Variants in FAIM2 observed in about 807,000 individuals in gnomAD.
The protein encoded by FAIM2 is protein lifeguard 2.
Under a neutral mutation model 47.4 loss-of-function variants are expected in FAIM2, and 27 were observed. The observed-to-expected ratio is 0.57, with a 90% confidence interval of 0.42 to 0.78. FAIM2 has a LOEUF of 0.78. FAIM2 is among the 30% of genes least tolerant of loss of function. The pLI, the probability that FAIM2 is intolerant of heterozygous loss-of-function variation, is 0.00. For missense variants in FAIM2, 311 were observed against 389.4 expected (o/e 0.80, Z 1.69); for synonymous variants, 156 against 159.3 (o/e 0.98, Z 0.16).
intron 2 of FAIM2, among the ~76,000 whole-genome samples, chr12:49,898,595 G>T (rs1002761193): frequency 1.3e-5 from 2 of 152,132 alleles, no homozygotes; most frequent in African/African-American, 2.4e-5. Flanking sequence ...GCATGATCAT[G>T]GCTCACGGCA....
Position 49,903,879 on chromosome 12 carries a change from G to C in FAIM2, c.-87C>G, listed in dbSNP as rs1946998371. ...TGCCTGCGTCTCTTCCTTCCTCCGCGTGGGTTCTAGCAACATCCACTGCAG... is the reference window on the plus strand; with the variant it reads ...TGCCTGCGTCTCTTCCTTCCTCCGCCTGGGTTCTAGCAACATCCACTGCAG... On this transcript the variant is annotated 5_prime_UTR_variant, in exon 1 of 12. Coordinates refer to ENST00000320634, the MANE Select transcript of FAIM2 (RefSeq NM_012306.4). 6 of 1,397,062 alleles carry C rather than the reference G, an allele frequency of 4.3e-6. No homozygotes were observed. The highest frequency in any genetic ancestry group is 4.8e-6 in the Non-Finnish European group (5 of 1,041,698). The allele number at this position is 1,397,062 out of a possible 1,614,324, so 86.5% of individuals were successfully genotyped here. A position where few individuals can be genotyped will look rare whatever the true frequency, so the allele number is the denominator to read the frequency against.
chr12:49,895,060 C>CA (rs140607594), intron 5 of FAIM2, among the ~76,000 whole-genome samples: 1 of 150,840 alleles, frequency 6.6e-6, no homozygotes, highest in Non-Finnish European at 1.5e-5. Flanking sequence ...GGGTGTGGAG[C>CA]GGGCAGGGCA....
chr12:49,876,597 A>T (rs541926957), intron 11 of FAIM2, among the ~76,000 whole-genome samples: 1 of 134,192 alleles, frequency 7.5e-6, no homozygotes, highest in South Asian at 2.4e-4. Context: ...CCCCGTCTCT[A>T]CTAAAAAAAA....
intron 5 of FAIM2, among the ~76,000 whole-genome samples, chr12:49,891,867 G>A (rs1946902497): frequency 6.6e-6 from 1 of 152,206 alleles, no homozygotes; most frequent in Admixed American, 6.5e-5. Context: ...GGAGGATTGA[G>A]GATTTTCTGA....
intron 11 of FAIM2, among the ~76,000 whole-genome samples, chr12:49,884,480 C>G (rs910804341): frequency 6.6e-6 from 1 of 152,074 alleles, no homozygotes; most frequent in Non-Finnish European, 1.5e-5. Context: ...TGGGACTACT[C>G]CATTAGAGAG....
Position 49,891,023 on chromosome 12 carries a change from G to A in FAIM2, c.485+41C>T, listed in dbSNP as rs182120106. 582 of 1,598,592 alleles carry A rather than the reference G, an allele frequency of 3.6e-4. 2 individuals are homozygous for A. The highest frequency in any genetic ancestry group is 2.7e-5 in the Non-Finnish European group (31 of 1,165,864). On this transcript the variant is annotated intron_variant, in intron 6 of 11. Coordinates refer to ENST00000320634, the MANE Select transcript of FAIM2 (RefSeq NM_012306.4). ...CTGGGGCCAGAATTTTCATGATCCT[G>A]CTCATATTCCCACAAGTTCCTCCTC...
At chr12:49,875,157 T>C (rs933631927) in intron 11 of FAIM2, among the ~76,000 whole-genome samples, 1 of 152,200 alleles carries the variant, frequency 6.6e-6, no homozygotes, top group South Asian at 2.1e-4. Context: ...ACATATTATA[T>C]AATTAGAAGT....
intron 7 of FAIM2, 106 bp downstream of exon 7, chr12:49,890,577 C>T (rs1428138126): frequency 9.5e-7 from 1 of 1,055,096 alleles, no homozygotes; most frequent in Non-Finnish European, 1.5e-6. Flanking sequence ...AGGGACCTCA[C>T]ATTGGACATC....
intron 1 of FAIM2, chr12:49,902,289 A>C (rs531014624): frequency 2.0e-5 from 3 of 152,386 alleles, no homozygotes; most frequent in Non-Finnish European, 4.4e-5. Flanking sequence ...GGTGGTGTGA[A>C]ATTGAAACAG....
At chr12:49,880,318 GTA>G (rs1290817439) in intron 11 of FAIM2, among the ~76,000 whole-genome samples, 22 of 146,374 alleles carry the variant, frequency 1.5e-4, no homozygotes, top group Non-Finnish European at 3.0e-4. Flanking sequence ...GTGTGTATGT[GTA>G]TGTGTGTCTG....
intron 2 of FAIM2, among the ~76,000 whole-genome samples, 188 bp downstream of exon 2, chr12:49,900,942 C>T (rs1946977356): frequency 6.6e-6 from 1 of 152,188 alleles, no homozygotes; most frequent in African/African-American, 2.4e-5. Flanking sequence ...TTGTATCTCT[C>T]TCTGTTTTCA....
Position 49,897,768 on chromosome 12 carries a change from C to CA in FAIM2, c.316-186_316-185insT, listed in dbSNP as rs562125687. Among the ~76,000 whole-genome samples the CA allele has an allele frequency of 2.1e-3, 316 of 151,600 alleles. 1 individual carries two copies. Among genetic ancestry groups the CA allele is most frequent in the African/African-American group, 7.3e-3 (302 of 41,374 alleles). On this transcript the variant is annotated intron_variant, in intron 3 of 11. Coordinates refer to ENST00000320634, the MANE Select transcript of FAIM2 (RefSeq NM_012306.4). ...AGATGCTGCAGAGCCAAGCGCACCC[C>CA]CCCCCAGCATTGGGAGAAAAGAGGG...
intron 11 of FAIM2, among the ~76,000 whole-genome samples, chr12:49,887,094 G>A (rs1021671870): frequency 2.0e-5 from 3 of 151,908 alleles, no homozygotes; most frequent in Non-Finnish European, 2.9e-5. Context: ...CGCAAGCACC[G>A]CTGCCCCTCC....
At position 49,903,798 on chromosome 12, in the gene FAIM2, C is replaced by G. The variant is rs1946997602; in HGVS notation, c.-6G>C. 6.5e-7 allele frequency: 1 copy of G among 1,543,668 alleles called. No individual in the cohort carries two copies. Among genetic ancestry groups the G allele is most frequent in the African/African-American group, 1.4e-5 (1 of 72,552 alleles). ...GGTACCTTTCCCTGGGTCATGGTGC[C>G]GTCTCTCGGGGAAGGGGTCCCTGAG... On this transcript the variant is annotated 5_prime_UTR_variant, in exon 1 of 12. Transcript: ENST00000320634.
intron 11 of FAIM2, among the ~76,000 whole-genome samples, chr12:49,878,236 ATGTG>A (rs1565613081): frequency 8.3e-6 from 1 of 120,724 alleles, no homozygotes; most frequent in East Asian, 3.0e-4. Context: ...GCATGAGTGT[ATGTG>A]TGTATATGTG....
At position 49,901,176 on chromosome 12, in the gene FAIM2, G is replaced by A. The variant is rs369605831; in HGVS notation, c.165C>T (p.Ala55=). ...TAGGGTGGAGAGGCACCGCTGTGGG[G>A]GCTGGGGGGAAGGCCCCTGCCTTCA... ...EGMKAGAFPP[A]PTAVPLHPSW... The change falls in exon 2 of 12, where the codon GCC becomes GCT. Residue 55 remains alanine, a synonymous_variant. Coordinates refer to ENST00000320634, the MANE Select transcript of FAIM2 (RefSeq NM_012306.4). 242 of 1,607,754 alleles carry A rather than the reference G, an allele frequency of 1.5e-4. 1 individual carries two copies. Among genetic ancestry groups the A allele is most frequent in the Non-Finnish European group, 2.0e-4 (236 of 1,177,472 alleles).
rs771552439 is a variant in FAIM2, at chr12:49,898,058, T to G, written c.244A>C (p.Thr82Pro). The change falls in exon 3 of 12, where the codon ACC becomes CCC. Residue 82 changes from threonine to proline, a missense_variant. Transcript: ENST00000320634. ...GTGGTGAAGAGCTCATGGTCTCCGG[T>G]GGGGAAACCGTTGTCATAGCTGGAG... ...SSSSYDNGFP[T>P]GDHELFTTFS... is the part of the protein sequence containing the mutation. 1.2e-6 allele frequency: 2 copies of G among 1,614,052 alleles called. No individual in the cohort carries two copies. Among genetic ancestry groups the G allele is most frequent in the Non-Finnish European group, 1.7e-6 (2 of 1,179,932 alleles).
chr12:49,889,270 A>C, intron 9 of FAIM2, 68 bp from the exon 10 acceptor site: 2 of 1,204,924 alleles, frequency 1.7e-6, no homozygotes, highest in East Asian at 5.0e-5. Context: ...CTACAGGCTG[A>C]GCCCATACAG....
intron 10 of FAIM2, among the ~76,000 whole-genome samples, chr12:49,888,132 T>C (rs1158396128): frequency 6.6e-6 from 1 of 152,058 alleles, no homozygotes; most frequent in Admixed American, 6.5e-5. Flanking sequence ...CAGACCTGGG[T>C]CAATAAAGGG....
Sources: gnomAD v4.1 joint callset for allele counts (sites outside exome capture counted in the v4.1 genomes callset) on GRCh38, gnomAD v4.1.1 for gene constraint, MANE v1.5 for transcripts, NCBI Gene and HGNC (gene_info 2026-07-23, HGNC 2026-07-21) for gene names.